The following TEAD4 variants were observed in gnomAD, a reference collection of about 807,000 sequenced individuals.
TEAD4 encodes transcriptional enhancer factor TEF-3.
TEAD4 carries 36 observed loss-of-function variants against 52.4 expected under a neutral mutation model. That is an observed-to-expected ratio of 0.69 (90% CI 0.53 to 0.91). The LOEUF is 0.91. TEAD4 is among the 40% of genes least tolerant of loss of function. TEAD4 has a pLI of 0.00. For synonymous variants in TEAD4, 220 were observed against 231.0 expected (o/e 0.95, Z 0.43); for missense variants, 508 against 583.9 (o/e 0.87, Z 1.34).
intron 10 of TEAD4, among the ~76,000 whole-genome samples, chr12:3,026,022 T>G (rs2098271878): frequency 6.6e-6 from 1 of 152,184 alleles, no homozygotes; most frequent in African/African-American, 2.4e-5. Context: ...ATATGTGTTG[T>G]TTTACTTCCC....
intron 3 of TEAD4, among the ~76,000 whole-genome samples, chr12:3,007,355 C>G (rs1162130834): frequency 1.3e-5 from 2 of 152,210 alleles, no homozygotes; most frequent in Admixed American, 1.3e-4. Context: ...TAAGCATCCT[C>G]GCTTGGCCAG....
chr12:3,035,158 A>G (rs1401449037), intron 10 of TEAD4, among the ~76,000 whole-genome samples: 3 of 152,368 alleles, frequency 2.0e-5, no homozygotes, highest in Non-Finnish European at 4.4e-5. Context: ...TAGAAAGAAT[A>G]GAATCCTTGA....
intron 2 of TEAD4, among the ~76,000 whole-genome samples, chr12:2,987,495 C>T (rs373659391): frequency 2.4e-4 from 36 of 151,964 alleles, no homozygotes; most frequent in Non-Finnish European, 3.7e-4. Context: ...ACTGCAGGGG[C>T]GCGATCTCAG....
rs937051456 is a variant in TEAD4 at position 2,973,741 on chromosome 12, G to A, written c.-30+13701G>A. Among the ~76,000 whole-genome samples the A allele has an allele frequency of 4.6e-5, 7 of 152,284 alleles. No individual in the cohort carries two copies. In the South Asian group the frequency reaches 1.5e-3, roughly 32 times the overall value. ...CTGGTCTGCAGCTAATGGCCTGCTG[G>A]GTCAGGCCGGGCTGGCCCCATCCAG... On this transcript the variant is annotated intron_variant, in intron 2 of 12. Transcript: ENST00000359864.
At chr12:3,033,876 G>A (rs552609540) in intron 10 of TEAD4, among the ~76,000 whole-genome samples, 1 of 151,960 alleles carries the variant, frequency 6.6e-6, no homozygotes, top group South Asian at 2.1e-4. Flanking sequence ...GAAATGTCAG[G>A]AAGGAGTATA....
At chr12:3,010,893 G>A in intron 3 of TEAD4, 111 bp from the exon 4 acceptor site, 3 of 1,188,714 alleles carry the variant, frequency 2.5e-6, no homozygotes, top group Non-Finnish European at 3.7e-6. Flanking sequence ...ATCCGCTTAG[G>A]ATGGGCAGAG....
intron 2 of TEAD4, among the ~76,000 whole-genome samples, chr12:2,977,144 A>T (rs901298979): frequency 6.6e-6 from 1 of 152,142 alleles, no homozygotes; most frequent in Admixed American, 6.5e-5. Flanking sequence ...TTGAGATTGC[A>T]CTGGTGCCTC....
At chr12:3,019,033 A>G (rs2098266686) in intron 7 of TEAD4, 82 bp from the exon 8 acceptor site, 2 of 1,550,202 alleles carry the variant, frequency 1.3e-6, no homozygotes, top group Non-Finnish European at 1.8e-6. Flanking sequence ...AGGACCTACC[A>G]CACAGACCAC....
intron 3 of TEAD4, among the ~76,000 whole-genome samples, chr12:3,001,105 C>T (rs1316216162): frequency 2.6e-5 from 4 of 152,222 alleles, no homozygotes; most frequent in African/African-American, 9.6e-5. Context: ...TCTACTCTGT[C>T]CCTGAGAGCT....
Position 3,012,248 on chromosome 12 carries a change from TG to T in TEAD4, c.354+21del, listed in dbSNP as rs1389932551. On this transcript the variant is annotated intron_variant, in intron 5 of 12. Coordinates refer to ENST00000359864, the MANE Select transcript of TEAD4 (RefSeq NM_003213.4). ...CAAGCTAAAGGTAAGGAAACTGCAG[TG>T]GGGGTGCTGGAGTGGCCAGGAGTGG... The T allele has an allele frequency of 6.2e-7, 1 of 1,613,156 alleles. No individual in the cohort carries two copies. Among genetic ancestry groups the T allele is most frequent in the East Asian group, 2.2e-5 (1 of 44,840 alleles).
chr12:2,998,387 T>C (rs2098248981), intron 3 of TEAD4, among the ~76,000 whole-genome samples: 1 of 151,522 alleles, frequency 6.6e-6, no homozygotes, highest in South Asian at 2.1e-4. Context: ...TGGCAGGACT[T>C]GGGTTGGAAT....
intron 2 of TEAD4, among the ~76,000 whole-genome samples, chr12:2,965,675 C>A (rs1005924364): frequency 2.6e-5 from 4 of 152,086 alleles, no homozygotes; most frequent in African/African-American, 9.7e-5. Context: ...CCTCAGCCTC[C>A]CCAGTAGCTG....
rs1230053937 is a variant in TEAD4, at chr12:3,017,410, A to G, written c.367A>G (p.Lys123Glu). 4 of 1,614,078 alleles carry G rather than the reference A, an allele frequency of 2.5e-6. No individual in the cohort carries two copies. The Middle Eastern group carries it at 6.6e-4, about 266-fold the overall frequency. ...ATGTCTCCCCCAGGACCAGGCAGCT[A>G]AGGACAAGGCCCTGCAGAGCATGGC... The change falls in exon 6 of 13, where the codon AAG (lysine) becomes GAG (glutamate). Residue 123 changes from lysine (K) to glutamate (E), a missense_variant. Lys to Glu is a moderately conservative substitution (Grantham distance 56). Coordinates refer to ENST00000359864, the MANE Select transcript of TEAD4 (RefSeq NM_003213.4).
chr12:2,967,655 G>A (rs1459937124), intron 2 of TEAD4, among the ~76,000 whole-genome samples: 1 of 152,200 alleles, frequency 6.6e-6, no homozygotes, highest in African/African-American at 2.4e-5. Context: ...GAAAAACGAA[G>A]GAAGAGGGAA....
chr12:3,000,082 T>G (rs1160346684), intron 3 of TEAD4, among the ~76,000 whole-genome samples: 1 of 152,162 alleles, frequency 6.6e-6, no homozygotes, highest in Non-Finnish European at 1.5e-5. Flanking sequence ...CAGGCCGGGC[T>G]GAGGCCGTGT....
At chr12:2,996,972 TG>T (rs1401500512) in intron 3 of TEAD4, among the ~76,000 whole-genome samples, 1 of 152,212 alleles carries the variant, frequency 6.6e-6, no homozygotes, top group Non-Finnish European at 1.5e-5. Context: ...AGATAAAATT[TG>T]TCTTTAACAG....
intron 2 of TEAD4, among the ~76,000 whole-genome samples, chr12:2,969,154 C>G (rs143544323): frequency 6.6e-6 from 1 of 152,240 alleles, no homozygotes; most frequent in Non-Finnish European, 1.5e-5. Flanking sequence ...CACATGGATT[C>G]GACCCACCCT....
At chr12:3,002,227 C>T (rs116692691) in intron 3 of TEAD4, among the ~76,000 whole-genome samples, 3,627 of 152,242 alleles carry the variant, frequency 0.024, 134 homozygotes, top group African/African-American at 0.081. Context: ...GGTAATATTC[C>T]ATTGTATGGA....
At chr12:2,975,350 T>G (rs906008021) in intron 2 of TEAD4, among the ~76,000 whole-genome samples, 11 of 138,506 alleles carry the variant, frequency 7.9e-5, no homozygotes, top group African/African-American at 3.0e-4. Flanking sequence ...TGAGTCAATA[T>G]CGGCACATTA....
Sources: allele counts gnomAD v4.1 joint callset (sites outside exome capture counted in the v4.1 genomes callset), GRCh38; gene constraint gnomAD v4.1.1; transcripts MANE v1.5; gene names NCBI Gene and HGNC (gene_info 2026-07-23, HGNC 2026-07-21).